COXFA4: variants seen among roughly 807,000 people sequenced by gnomAD.
The protein encoded by COXFA4 is cytochrome c oxidase subunit FA4.
chr7:10,936,842 C>A, the COXFA4 span, among the ~76,000 whole-genome samples: 1 of 152,110 alleles, frequency 6.6e-6, no homozygotes, highest in African/African-American at 2.4e-5. Flanking sequence ...TCAAGACCAG[C>A]CTGGCCAACA....
the COXFA4 span, chr7:10,939,779 GTTTT>G: frequency 2.3e-5 from 14 of 598,218 alleles, no homozygotes; most frequent in Middle Eastern, 3.4e-4. Flanking sequence ...AAAAAACTAG[GTTTT>G]TTTTCCGAGC....
chr7:10,936,636 T>C, the COXFA4 span, among the ~76,000 whole-genome samples: 25 of 152,360 alleles, frequency 1.6e-4, no homozygotes, highest in Middle Eastern at 3.4e-3. Context: ...AGCTTAGCCA[T>C]TGCATTTTTA....
chr7:10,935,348 T>C, the COXFA4 span, among the ~76,000 whole-genome samples: 5,801 of 152,312 alleles, frequency 0.038, 331 homozygotes, highest in East Asian at 0.13. Context: ...AGGCACAACA[T>C]ATTCTGATCT....
the COXFA4 span, among the ~76,000 whole-genome samples, chr7:10,937,053 A>C: frequency 2.0e-5 from 3 of 152,034 alleles, no homozygotes; most frequent in Non-Finnish European, 2.9e-5. Context: ...AACAACAAAA[A>C]AACGTTGCTA....
chr7:10,939,915 G>A, the COXFA4 span: 6 of 1,329,920 alleles, frequency 4.5e-6, no homozygotes, highest in Middle Eastern at 1.8e-4. Context: ...CTGACGGACG[G>A]TAAGTGGCTG....
At chr7:10,937,229 C>T in the COXFA4 span, among the ~76,000 whole-genome samples, 2 of 149,714 alleles carry the variant, frequency 1.3e-5, no homozygotes, top group Non-Finnish European at 3.0e-5. Flanking sequence ...ACTTTAAACA[C>T]GTCAACTGTA....
At chr7:10,939,372 C>T in the COXFA4 span, 10 of 184,870 alleles carry the variant, frequency 5.4e-5, no homozygotes, top group African/African-American at 2.4e-4. Context: ...TAAGCATTAT[C>T]TCTGAAAACG....
the COXFA4 span, chr7:10,939,881 A>G: frequency 1.0e-6 from 1 of 994,422 alleles, no homozygotes; most frequent in South Asian, 1.3e-5. Flanking sequence ...AAGATGACAA[A>G]CACTAGGCGA....
chr7:10,940,123 A>C, the COXFA4 span: 1 of 1,481,310 alleles, frequency 6.8e-7, no homozygotes. Context: ...CTAAGCTAAA[A>C]ATTATCTGCA....
At chr7:10,940,135 T>A in the COXFA4 span, 2 of 1,423,438 alleles carry the variant, frequency 1.4e-6, no homozygotes, top group Admixed American at 3.3e-5. Context: ...TTATCTGCAA[T>A]GAGACACTAC....
chr7:10,938,336 T>G, the COXFA4 span: 518 of 571,148 alleles, frequency 9.1e-4, 6 homozygotes, highest in East Asian at 0.013. Context: ...AGAAAAAAGG[T>G]AGAACACAGA....
the COXFA4 span, chr7:10,932,328 C>T: frequency 2.0e-5 from 3 of 152,172 alleles, no homozygotes; most frequent in Non-Finnish European, 4.4e-5. Context: ...GAGGTAAAAG[C>T]ATGGAGTCTG....
the COXFA4 span, chr7:10,940,033 C>A: frequency 6.2e-7 from 1 of 1,613,762 alleles, no homozygotes; most frequent in Admixed American, 1.7e-5. Context: ...TGCTTCTTGG[C>A]CTGACCGATG....
the COXFA4 span, among the ~76,000 whole-genome samples, chr7:10,936,229 C>A: frequency 8.1e-4 from 124 of 152,330 alleles, no homozygotes; most frequent in Middle Eastern, 0.017. Flanking sequence ...ACATGACACT[C>A]TTCATCTTTC....
At chr7:10,933,615 C>T in the COXFA4 span, 58 of 1,596,576 alleles carry the variant, frequency 3.6e-5, 1 homozygote, top group Non-Finnish European at 4.9e-5. Context: ...TCTAAAGCAG[C>T]GTTATAGTGA....
At chr7:10,940,018 T>C in the COXFA4 span, 1 of 1,613,826 alleles carries the variant, frequency 6.2e-7, no homozygotes, top group Non-Finnish European at 8.5e-7. Context: ...GAACTTACGC[T>C]CGGATGCTTC....
the COXFA4 span, among the ~76,000 whole-genome samples, chr7:10,937,593 T>G: frequency 1.0e-3 from 153 of 152,278 alleles, no homozygotes; most frequent in African/African-American, 3.4e-3. Flanking sequence ...TGCCCTTGGT[T>G]TTGATGCTGT....
the COXFA4 span, chr7:10,938,062 A>G: frequency 1.7e-4 from 269 of 1,599,998 alleles, no homozygotes; most frequent in Non-Finnish European, 2.0e-4. Context: ...ACAATTTCTA[A>G]CAACTTTAAA....
chr7:10,938,690 T>A, the COXFA4 span: 2 of 762,188 alleles, frequency 2.6e-6, no homozygotes, highest in Non-Finnish European at 4.7e-6. Context: ...CTGAACTTAT[T>A]GTATGACTGT....
Sources: gnomAD v4.1 joint callset for allele counts (sites outside exome capture counted in the v4.1 genomes callset) on GRCh38, gnomAD v4.1.1 for gene constraint, MANE v1.5 for transcripts, NCBI Gene and HGNC (gene_info 2026-07-23, HGNC 2026-07-21) for gene names.